Variants in DYNC1H1 observed in about 807,000 individuals in gnomAD.
DYNC1H1 encodes cytoplasmic dynein 1 heavy chain 1.
In DYNC1H1, 51 loss-of-function variants were observed where a neutral mutation model predicts 527.1. The observed-to-expected ratio is 0.10, with a 90% CI of 0.08 to 0.12. The LOEUF (loss-of-function observed/expected upper bound fraction) is 0.12, where lower values mean the gene tolerates loss of function less well. Ranked by LOEUF, DYNC1H1 falls within the 10% of genes least tolerant of loss-of-function variation. DYNC1H1 has a pLI of 1.00. For synonymous variants in DYNC1H1, 2,189 were observed against 2,278.8 expected (o/e 0.96, Z 1.12); for missense variants, 2,771 against 5,971.8 (o/e 0.46, Z 17.66).
chr14:101,984,801 C>T (rs1387208766), intron 7 of DYNC1H1, among the ~76,000 whole-genome samples: 1 of 150,954 alleles, frequency 6.6e-6, no homozygotes, highest in Non-Finnish European at 1.5e-5. Context: ...GGCGTGGTGG[C>T]AGGTGCCTGT....
Position 102,054,518 on chromosome 14 carries a change from C to G in DYNC1H1, c.*3955C>G, listed in dbSNP as rs2048855911. The G allele has an allele frequency of 6.6e-6, 1 of 152,392 alleles. No homozygotes were observed. The highest frequency in any genetic ancestry group is 6.6e-5 in the Admixed American group (1 of 15,258). The allele number at this position is 152,392 out of a possible 1,614,324, so 9.4% of individuals were successfully genotyped here. On this transcript the variant is annotated 3_prime_UTR_variant, in exon 78 of 78. Coordinates refer to ENST00000360184, the MANE Select transcript of DYNC1H1 (RefSeq NM_001376.5). ...AGCCCACCCCCAACCGCCAGGGCCA[C>G]CCAAACACCAGTTACAACACCATCA...
Position 102,029,641 on chromosome 14 carries a change from C to T in DYNC1H1, c.9571C>T (p.Arg3191Trp). 1.9e-6 allele frequency: 3 copies of T among 1,614,200 alleles called. No individual in the cohort carries two copies. Among genetic ancestry groups the T allele is most frequent in the Non-Finnish European group, 2.5e-6 (3 of 1,180,046 alleles). The change falls in exon 49 of 78, where the codon CGG becomes TGG. Residue 3191 changes from arginine (R) to tryptophan (W), a missense_variant. Arg to Trp is a moderately radical substitution (Grantham distance 101). Coordinates refer to ENST00000360184, the MANE Select transcript of DYNC1H1 (RefSeq NM_001376.5). This position sits in a 1 kb window ranked among gnomAD's most constrained non-coding sequence, Gnocchi z 5.3. ...CTATGCCAACCTGTTCCACGAGAAG[C>T]GGAGCGAGCTGGAGGAGCAGCAGAT... ...NHYANLFHEKRSELEEQQMHL... is the reference protein window; with the variant it reads ...NHYANLFHEKWSELEEQQMHL...
In DYNC1H1 at chr14:102,036,452, G is replaced by A. The variant is rs373020830; in HGVS notation, c.10755-37G>A. 1.7e-5 allele frequency: 27 copies of A among 1,611,626 alleles called. No homozygotes were observed. Among genetic ancestry groups the A allele is most frequent in the African/African-American group, 1.2e-4 (9 of 74,926 alleles). ...CCGTGATCCTGTGCTTTCCCCATTC[G>A]GTGTTTCAACCTTCTCTTCTGTGGC... is the stretch of plus-strand genomic sequence containing the variant. On this transcript the variant is annotated intron_variant, in intron 56 of 77. Coordinates refer to ENST00000360184, the MANE Select transcript of DYNC1H1 (RefSeq NM_001376.5). This position sits in a 1 kb window ranked among gnomAD's most constrained non-coding sequence, Gnocchi z 5.6.
Position 102,033,609 on chromosome 14 carries a change from C to T in DYNC1H1, c.10413+125C>T, listed in dbSNP as rs1379515875. The T allele has an allele frequency of 9.3e-6, 12 of 1,283,882 alleles. No individual in the cohort carries two copies. Among genetic ancestry groups the T allele is most frequent in the South Asian group, 2.5e-5 (2 of 78,640 alleles). 79.5% of individuals were successfully genotyped at this position (1,283,882 alleles called of 1,614,324 possible). The stretch of plus-strand genomic sequence containing the variant: ...TCGCTCTTTAACATCTGTAAGGCCC[C>T]GGAGGACTTTTTTCCTGGAAAATAA... On this transcript the variant is annotated intron_variant, in intron 54 of 77. Coordinates refer to ENST00000360184, the MANE Select transcript of DYNC1H1 (RefSeq NM_001376.5). The surrounding 1 kb of genome is among the most constrained non-coding windows in gnomAD (Gnocchi z 5.6).
chr14:102,044,199 C>A lies in DYNC1H1; in HGVS notation c.12685-75C>A. 6.3e-7 allele frequency: 1 copy of A among 1,593,704 alleles called. No individual in the cohort carries two copies. The highest frequency in any genetic ancestry group is 8.5e-7 in the Non-Finnish European group (1 of 1,170,498). On this transcript the variant is annotated intron_variant, in intron 70 of 77. Coordinates refer to ENST00000360184, the MANE Select transcript of DYNC1H1 (RefSeq NM_001376.5). The surrounding 1 kb of genome is among the most constrained non-coding windows in gnomAD (Gnocchi z 7.1). ...TGGCCATGGGGAGTGAGGAGGAAAGCTGTGCCCCTCGAAAGGAAGCCCCGG... is the reference window on the plus strand; with the variant it reads ...TGGCCATGGGGAGTGAGGAGGAAAGATGTGCCCCTCGAAAGGAAGCCCCGG...
rs1264119354 is a variant in DYNC1H1, at chr14:101,975,722, T to A, written c.267T>A (p.Gly89=). 6.2e-7 allele frequency: 1 copy of A among 1,613,184 alleles called. No homozygotes were observed. Among genetic ancestry groups the A allele is most frequent in the Non-Finnish European group, 8.5e-7 (1 of 1,179,386 alleles). The change falls in exon 2 of 78, where the codon GGT becomes GGA. Residue 89 remains glycine, a synonymous_variant. Transcript: ENST00000360184. Reference sequence around the variant, plus strand: ...TATTATGATTTGTAGAGGACGTCGGTGATGAAGGAGAAGAAGAAAAAGAAT... The same window carrying A: ...TATTATGATTTGTAGAGGACGTCGGAGATGAAGGAGAAGAAGAAAAAGAAT... ...VERSTLKEDV[G]DEGEEEKEFI...
intron 1 of DYNC1H1, among the ~76,000 whole-genome samples, chr14:101,973,199 A>ATTTTT (rs59446522): frequency 1.2e-3 from 167 of 141,416 alleles, no homozygotes; most frequent in African/African-American, 4.2e-3. Flanking sequence ...AGATACACTA[A>ATTTTT]TTTTTTTTTT....
chr14:102,027,048 C>A lies in DYNC1H1; in HGVS notation c.8772-126C>A. The A allele has an allele frequency of 8.8e-7, 1 of 1,133,028 alleles. No homozygotes were observed. Among genetic ancestry groups the A allele is most frequent in the Non-Finnish European group, 1.3e-6 (1 of 747,102 alleles). The allele number at this position is 1,133,028 out of a possible 1,614,324, so 70.2% of individuals were successfully genotyped here. A position where few individuals can be genotyped will look rare whatever the true frequency, so the allele number is the denominator to read the frequency against. ...CTGGACTTCACAAATAACAGTTGCT[C>A]AGCAAATGTTTAATATACAAGTTCA... On this transcript the variant is annotated intron_variant, in intron 44 of 77. Transcript: ENST00000360184. This position sits in a 1 kb window ranked among gnomAD's most constrained non-coding sequence, Gnocchi z 7.7.
At chr14:101,982,934 A>G (rs2047885394) in intron 5 of DYNC1H1, 85 bp from the exon 6 acceptor site, 10 of 1,514,488 alleles carry the variant, frequency 6.6e-6, no homozygotes, top group Non-Finnish European at 9.1e-6. Context: ...GCAACATCAA[A>G]ATGTTCCATT....
chr14:101,990,365 G>T (rs551433888), intron 10 of DYNC1H1, among the ~76,000 whole-genome samples: 21 of 152,250 alleles, frequency 1.4e-4, no homozygotes, highest in Non-Finnish European at 2.6e-4. Flanking sequence ...CCAGATGAAA[G>T]TTCATTGAGT....
At chr14:102,048,762 C>T (rs2048762303) in intron 74 of DYNC1H1, 93 bp downstream of exon 74, 2 of 1,465,202 alleles carry the variant, frequency 1.4e-6, no homozygotes, top group Non-Finnish European at 1.8e-6. Flanking sequence ...CACGTGCAGA[C>T]AGCCAGGCCT....
intron 1 of DYNC1H1, among the ~76,000 whole-genome samples, chr14:101,966,893 C>T (rs764307087): frequency 2.6e-5 from 4 of 152,150 alleles, no homozygotes; most frequent in Non-Finnish European, 4.4e-5. Flanking sequence ...CTTATGAGTA[C>T]CTTTTTTTCT....
In DYNC1H1 at chr14:102,044,266, TC is replaced by T. The variant is rs751203379; in HGVS notation, c.12685-3del. Reference sequence around the variant, plus strand: ...CCACACACACGAACCCTGCTTTTCCTCCCCCAGGGCAGGCAGAACATCTCAC... The same window carrying T: ...CCACACACACGAACCCTGCTTTTCCTCCCCAGGGCAGGCAGAACATCTCAC... On this transcript the variant is annotated splice_polypyrimidine_tract_variant and splice_region_variant and intron_variant, in intron 70 of 77. Coordinates refer to ENST00000360184, the MANE Select transcript of DYNC1H1 (RefSeq NM_001376.5). The surrounding 1 kb of genome is among the most constrained non-coding windows in gnomAD (Gnocchi z 7.1). The T allele has an allele frequency of 8.1e-6, 13 of 1,613,414 alleles. No individual in the cohort carries two copies. The highest frequency in any genetic ancestry group is 1.0e-5 in the Non-Finnish European group (12 of 1,179,972).
chr14:101,991,833 T>C (rs1258359241), intron 11 of DYNC1H1, among the ~76,000 whole-genome samples, 160 bp downstream of exon 11: 3 of 152,134 alleles, frequency 2.0e-5, no homozygotes, highest in East Asian at 1.9e-4. Context: ...TGCCCTGACC[T>C]TTTTTTCCAA....
Position 102,020,433 on chromosome 14 carries a change from T to C in DYNC1H1, c.8507+377T>C, listed in dbSNP as rs2048371523. Among the ~76,000 whole-genome samples the C allele has an allele frequency of 6.6e-6, 1 of 152,184 alleles. No homozygotes were observed. The highest frequency in any genetic ancestry group is 2.4e-5 in the African/African-American group (1 of 41,438). ...GACCACAAAAGGTAGCAGCTGCCTG[T>C]GATAACCTTACCAGAGCACGGGTTC... On this transcript the variant is annotated intron_variant, in intron 42 of 77. Coordinates refer to ENST00000360184, the MANE Select transcript of DYNC1H1 (RefSeq NM_001376.5). The surrounding 1 kb of genome is among the most constrained non-coding windows in gnomAD (Gnocchi z 4.3).
chr14:101,995,427 C>A (rs543002792), intron 15 of DYNC1H1, 127 bp downstream of exon 15: 34 of 1,176,664 alleles, frequency 2.9e-5, no homozygotes, highest in Non-Finnish European at 4.0e-5. Context: ...CTGGCTAACA[C>A]GGTGAAATGC....
At position 102,018,409 on chromosome 14, in the gene DYNC1H1, C is replaced by T. The variant is rs1244109843; in HGVS notation, c.8178-42C>T. 12 of 1,605,304 alleles carry T rather than the reference C, an allele frequency of 7.5e-6. No individual in the cohort carries two copies. Among genetic ancestry groups the T allele is most frequent in the East Asian group, 2.2e-5 (1 of 44,664 alleles). ...TGGCACACTGCCCCTTCCTGGGAGG[C>T]GCTGTCAGGGAGGGGCGCTGAGCGG... On this transcript the variant is annotated intron_variant, in intron 40 of 77. Transcript: ENST00000360184. The surrounding 1 kb of genome is among the most constrained non-coding windows in gnomAD (Gnocchi z 5.2).
At position 102,011,134 on chromosome 14, in the gene DYNC1H1, G is replaced by A. The variant is rs1328578033; in HGVS notation, c.6618+182G>A. 2 of 704,394 alleles carry A rather than the reference G, an allele frequency of 2.8e-6. No individual in the cohort carries two copies. Among genetic ancestry groups the A allele is most frequent in the African/African-American group, 3.5e-5 (2 of 56,618 alleles). 43.6% of individuals were successfully genotyped at this position (704,394 alleles called of 1,614,324 possible). On this transcript the variant is annotated intron_variant, in intron 32 of 77. Coordinates refer to ENST00000360184, the MANE Select transcript of DYNC1H1 (RefSeq NM_001376.5). This position sits in a 1 kb window ranked among gnomAD's most constrained non-coding sequence, Gnocchi z 5.3. ...TTTGTTGTTGTTGTTTAAATGAAGA[G>A]GAAACAATACTTAACCTGAAAATTT...
At position 102,036,255 on chromosome 14, in the gene DYNC1H1, T is replaced by G; in HGVS notation, c.10755-234T>G. 3.9e-6 allele frequency: 2 copies of G among 507,174 alleles called. No individual in the cohort carries two copies. Among genetic ancestry groups the G allele is most frequent in the Non-Finnish European group, 7.2e-6 (2 of 277,374 alleles). The allele number at this position is 507,174 out of a possible 1,614,324, so 31.4% of individuals were successfully genotyped here. On this transcript the variant is annotated intron_variant, in intron 56 of 77. Transcript: ENST00000360184. This position sits in a 1 kb window ranked among gnomAD's most constrained non-coding sequence, Gnocchi z 5.6. ...AAAAAGATTTTTAACTATGGCCCTCTTGGTGTATGACTCAAGCTACCTCCT... is the reference window on the plus strand; with the variant it reads ...AAAAAGATTTTTAACTATGGCCCTCGTGGTGTATGACTCAAGCTACCTCCT...
Sources: allele counts gnomAD v4.1 joint callset (sites outside exome capture counted in the v4.1 genomes callset), GRCh38; gene constraint gnomAD v4.1.1; non-coding constraint Gnocchi (gnomAD v3.1); transcripts MANE v1.5; gene names NCBI Gene and HGNC (gene_info 2026-07-23, HGNC 2026-07-21).